The following ATP6V0A4 variants were observed in gnomAD, a reference collection of about 807,000 sequenced individuals.
ATP6V0A4 encodes the protein ATPase H+ transporting V0 subunit a4.
ATP6V0A4 carries 86 observed loss-of-function variants against 107.3 expected under a neutral mutation model. The ratio of observed to expected loss-of-function variants is 0.80; its 90% CI spans 0.67 to 0.96. The LOEUF (loss-of-function observed/expected upper bound fraction) is 0.96. Among genes scored for constraint, ATP6V0A4 ranks in the 40% least tolerant of loss-of-function variants. ATP6V0A4 has a pLI of 0.00. For missense variants in ATP6V0A4, 908 were observed against 1,045.6 expected (o/e 0.87, Z 1.81); for synonymous variants, 353 against 381.4 (o/e 0.93, Z 0.87).
intron 5 of ATP6V0A4, among the ~76,000 whole-genome samples, chr7:138,766,050 C>T (rs925487732): frequency 6.6e-6 from 1 of 151,962 alleles, no homozygotes; most frequent in Non-Finnish European, 1.5e-5. Flanking sequence ...CCATGGCCAG[C>T]CCTGGTGCTG....
intron 1 of ATP6V0A4, among the ~76,000 whole-genome samples, chr7:138,792,921 T>A (rs982675870): frequency 6.6e-6 from 1 of 152,098 alleles, no homozygotes; most frequent in Non-Finnish European, 1.5e-5. Context: ...TGATTTAGCA[T>A]GCCAAACAAA....
chr7:138,720,884 G>A (rs920103432), intron 19 of ATP6V0A4, among the ~76,000 whole-genome samples: 4 of 152,222 alleles, frequency 2.6e-5, no homozygotes, highest in Non-Finnish European at 4.4e-5. Flanking sequence ...TGATCCGCCC[G>A]CCTTGGCCTC....
intron 19 of ATP6V0A4, among the ~76,000 whole-genome samples, chr7:138,721,528 T>C (rs958941334): frequency 2.6e-5 from 4 of 152,064 alleles, no homozygotes; most frequent in African/African-American, 4.8e-5. Flanking sequence ...AGTGAGACTC[T>C]ATCTCAAAAA....
intron 2 of ATP6V0A4, among the ~76,000 whole-genome samples, chr7:138,784,239 T>TAC (rs1808055801): frequency 1.0e-4 from 1 of 9,640 alleles, no homozygotes; most frequent in African/African-American, 3.9e-4. Context: ...TATATACGTA[T>TAC]ATATATATAT....
chr7:138,721,788 G>T, intron 19 of ATP6V0A4, 109 bp downstream of exon 19: 1 of 1,254,278 alleles, frequency 8.0e-7, no homozygotes. Context: ...GCAGTGACAG[G>T]GCTACTGCCC....
intron 2 of ATP6V0A4, among the ~76,000 whole-genome samples, chr7:138,784,475 C>T (rs1029973839): frequency 6.6e-6 from 1 of 151,424 alleles, no homozygotes; most frequent in Admixed American, 6.6e-5. Context: ...CCCACCACCA[C>T]ACCCAGCTAG....
chr7:138,798,176 T>G lies in ATP6V0A4; in HGVS notation c.-263A>C. ...TGGCCTTTGCCTCCCTCCACTCGGC[T>G]TGCTCGGCAGGTAGCGTTATGAGCT... On this transcript the variant is annotated 5_prime_UTR_variant, in exon 1 of 22. Coordinates refer to ENST00000310018, the MANE Select transcript of ATP6V0A4 (RefSeq NM_020632.3). 6.3e-7 allele frequency: 1 copy of G among 1,594,942 alleles called. No homozygotes were observed. Among genetic ancestry groups the G allele is most frequent in the Admixed American group, 1.8e-5 (1 of 56,618 alleles).
At chr7:138,757,639 G>C (rs369797427) in intron 8 of ATP6V0A4, among the ~76,000 whole-genome samples, 3 of 152,132 alleles carry the variant, frequency 2.0e-5, no homozygotes, top group African/African-American at 2.4e-5. Flanking sequence ...GCCATTTGTC[G>C]GGACCTATCG....
intron 5 of ATP6V0A4, among the ~76,000 whole-genome samples, chr7:138,765,848 G>A (rs1177152917): frequency 2.6e-5 from 4 of 152,184 alleles, no homozygotes; most frequent in African/African-American, 9.6e-5. Flanking sequence ...CCACCTTCTG[G>A]TAGCCACTCT....
intron 17 of ATP6V0A4, among the ~76,000 whole-genome samples, chr7:138,729,612 A>G (rs1804887432): frequency 6.6e-6 from 1 of 151,976 alleles, no homozygotes; most frequent in Admixed American, 6.6e-5. Flanking sequence ...CTCCTTTCTT[A>G]TACACACCCC....
rs758186883 is a variant in ATP6V0A4 at position 138,762,452 on chromosome 7, A to G, written c.418-18T>C. ...GTTTCCGTCTGAAAGTCAAAGCACT[A>G]TGATTTTCATTTAAATATATTTAGG... is the stretch of plus-strand genomic sequence containing the variant. On this transcript the variant is annotated intron_variant, in intron 6 of 21. Transcript: ENST00000310018. 1.8e-5 allele frequency: 29 copies of G among 1,613,834 alleles called. No individual in the cohort carries two copies. Among genetic ancestry groups the G allele is most frequent in the Admixed American group, 8.3e-5 (5 of 60,002 alleles).
At chr7:138,729,311 T>C (rs1184285926) in intron 17 of ATP6V0A4, among the ~76,000 whole-genome samples, 1 of 152,142 alleles carries the variant, frequency 6.6e-6, no homozygotes, top group Non-Finnish European at 1.5e-5. Flanking sequence ...ACAAACAGTA[T>C]TCAACCGGTA....
At chr7:138,717,717 G>A (rs1804118018) in intron 19 of ATP6V0A4, among the ~76,000 whole-genome samples, 1 of 151,810 alleles carries the variant, frequency 6.6e-6, no homozygotes, top group African/African-American at 2.4e-5. Flanking sequence ...AGACCAGCCT[G>A]GCCAACATGG....
chr7:138,739,415 G>A lies in ATP6V0A4; in HGVS notation c.1572+125C>T, dbSNP rs942172306. The A allele has an allele frequency of 3.3e-6, 4 of 1,227,908 alleles. No individual in the cohort carries two copies. The African/African-American group carries it at 6.1e-5, about 19-fold the overall frequency. 76.1% of individuals were successfully genotyped at this position (1,227,908 alleles called of 1,614,324 possible). ...TCTATGTGTCACAAAAACGTCAGCA[G>A]AAGTTATTTTATCTCAACACAAGTT... On this transcript the variant is annotated intron_variant, in intron 15 of 21. Transcript: ENST00000310018.
In ATP6V0A4 at chr7:138,753,847, C is replaced by G. The variant is rs146888155; in HGVS notation, c.817-1010G>C. On this transcript the variant is annotated intron_variant, in intron 10 of 21. Coordinates refer to ENST00000310018, the MANE Select transcript of ATP6V0A4 (RefSeq NM_020632.3). Reference sequence around the variant, plus strand: ...CAGCACAGAGGTGACTTTCAGAAACCTCAAAGAGCATAGCCCGAATTATAT... The same window carrying G: ...CAGCACAGAGGTGACTTTCAGAAACGTCAAAGAGCATAGCCCGAATTATAT... 7.2e-3 allele frequency among the ~76,000 whole-genome samples: 1,101 copies of G among 152,226 alleles called. 24 individuals are homozygous for G. The highest frequency in any genetic ancestry group is 0.025 in the African/African-American group (1,050 of 41,548).
intron 19 of ATP6V0A4, among the ~76,000 whole-genome samples, chr7:138,719,356 A>C (rs12538754): frequency 0.28 from 42,731 of 151,830 alleles, 6,256 homozygotes; most frequent in South Asian, 0.42. Context: ...GCAGTGGCTT[A>C]AGTTGGGCAC....
intron 8 of ATP6V0A4, among the ~76,000 whole-genome samples, chr7:138,758,873 C>T (rs1014899389): frequency 6.8e-6 from 1 of 147,372 alleles, no homozygotes; most frequent in Admixed American, 7.0e-5. Flanking sequence ...GCCTCAGCCT[C>T]GCAAGTAGCT....
At position 138,715,071 on chromosome 7, in the gene ATP6V0A4, C is replaced by T. The variant is rs893823722; in HGVS notation, c.2257+693G>A. On this transcript the variant is annotated intron_variant, in intron 20 of 21. Coordinates refer to ENST00000310018, the MANE Select transcript of ATP6V0A4 (RefSeq NM_020632.3). ...CCGCAAGCCACAGAATGCAGGCAGC[C>T]TCAAGAGGCTGGAAAGGCCAGGAAA... 7.9e-5 allele frequency among the ~76,000 whole-genome samples: 12 copies of T among 152,314 alleles called. No individual in the cohort carries two copies. The South Asian group carries it at 2.1e-3, about 26-fold the overall frequency.
intron 1 of ATP6V0A4, among the ~76,000 whole-genome samples, chr7:138,792,768 TTTTTTTTTTGTTG>T (rs796099201): frequency 2.5e-5 from 2 of 78,962 alleles, no homozygotes; most frequent in Non-Finnish European, 5.1e-5. Flanking sequence ...TCAGGTTTGT[TTTTTTTTTTGTTG>T]TTTTGTTTTT....
Sources: allele counts gnomAD v4.1 joint callset (sites outside exome capture counted in the v4.1 genomes callset), GRCh38; gene constraint gnomAD v4.1.1; transcripts MANE v1.5; gene names NCBI Gene and HGNC (gene_info 2026-07-23, HGNC 2026-07-21).